The following RPS6KA2 variants were observed in gnomAD, a reference collection of about 807,000 sequenced individuals.
RPS6KA2 encodes ribosomal protein S6 kinase A2.
In RPS6KA2, 42 loss-of-function variants were observed where a neutral mutation model predicts 91.8. The ratio of observed to expected loss-of-function variants is 0.46; its 90% CI spans 0.36 to 0.59. The LOEUF (loss-of-function observed/expected upper bound fraction) is 0.59, where lower values mean the gene tolerates loss of function less well. RPS6KA2 is among the 20% of genes least tolerant of loss of function. The pLI, the probability that RPS6KA2 is intolerant of heterozygous loss-of-function variation, is 0.00. For synonymous variants in RPS6KA2, 414 were observed against 393.6 expected, an observed-to-expected ratio of 1.05 and a Z score of -0.61; for missense variants, 798 against 978.5, an observed-to-expected ratio of 0.82 and a Z score of 2.46.
chr6:166,774,498 T>G (rs1778562303), intron 2 of RPS6KA2, among the ~76,000 whole-genome samples: 1 of 152,152 alleles, frequency 6.6e-6, no homozygotes, highest in South Asian at 2.1e-4. Flanking sequence ...TCCCTGCTGC[T>G]GCTGCACCCA....
At chr6:166,697,915 G>A (rs1181649013) in intron 2 of RPS6KA2, among the ~76,000 whole-genome samples, 2 of 152,192 alleles carry the variant, frequency 1.3e-5, no homozygotes, top group African/African-American at 2.4e-5. Context: ...GCACGGGGAG[G>A]ACTCGGCGGC....
intron 11 of RPS6KA2, among the ~76,000 whole-genome samples, chr6:166,468,792 A>G (rs1780635905): frequency 6.8e-6 from 1 of 147,410 alleles, no homozygotes; most frequent in African/African-American, 2.6e-5. Flanking sequence ...TGAATCTGGC[A>G]GGTGGAGCTT....
chr6:166,580,324 C>A (rs534017510), intron 1 of RPS6KA2, among the ~76,000 whole-genome samples: 1 of 152,236 alleles, frequency 6.6e-6, no homozygotes, highest in Admixed American at 6.5e-5. Context: ...TGCCAACACA[C>A]CCTGACTTCA....
intron 2 of RPS6KA2, among the ~76,000 whole-genome samples, chr6:166,682,470 A>G (rs1213274005): frequency 6.6e-6 from 1 of 152,172 alleles, no homozygotes; most frequent in African/African-American, 2.4e-5. Context: ...GGGGAAGCAT[A>G]GAGAGGGTGA....
intron 8 of RPS6KA2, among the ~76,000 whole-genome samples, chr6:166,492,920 C>T (rs1159696912): frequency 1.4e-5 from 2 of 139,892 alleles, no homozygotes; most frequent in Non-Finnish European, 3.0e-5. Context: ...TTAGTAGAGA[C>T]AGGGTTTCAC....
At chr6:166,512,106 A>AAC (rs937964999) in intron 3 of RPS6KA2, among the ~76,000 whole-genome samples, 37 of 151,050 alleles carry the variant, frequency 2.4e-4, no homozygotes, top group Admixed American at 4.6e-4. Context: ...CACATACACA[A>AAC]ACACACACAC....
rs909844011 is a variant in RPS6KA2, at chr6:166,533,464, G to A, written c.217-2151C>T. On this transcript the variant is annotated intron_variant, in intron 2 of 20. Coordinates refer to ENST00000265678, the MANE Select transcript of RPS6KA2 (RefSeq NM_021135.6). This position sits in a 1 kb window ranked among gnomAD's most constrained non-coding sequence, Gnocchi z 4.0. ...GGGGTGTGGAACAAGGGACAGTTGT[G>A]TTTGTGGCAGGGACGCCACATTTCC... Among the ~76,000 whole-genome samples, 2 of 152,268 alleles carry A rather than the reference G, an allele frequency of 1.3e-5. No homozygotes were observed. Among genetic ancestry groups the A allele is most frequent in the East Asian group, 3.9e-4 (2 of 5,194 alleles).
chr6:166,517,450 GTTTTGTTTTTTTTTTT>G (rs1161171233), intron 3 of RPS6KA2, among the ~76,000 whole-genome samples: 6 of 83,792 alleles, frequency 7.2e-5, no homozygotes, highest in African/African-American at 4.0e-4. Context: ...GCGTTCTTTT[GTTTTGTTTTTTTTTTT>G]TTTTTTTTTT....
chr6:166,580,726 T>C (rs1784981970), intron 1 of RPS6KA2, among the ~76,000 whole-genome samples: 1 of 148,658 alleles, frequency 6.7e-6, no homozygotes, highest in Non-Finnish European at 1.5e-5. Flanking sequence ...GAAGTCCCAA[T>C]GAGCCCAGTG....
In RPS6KA2 at chr6:166,414,101, A is replaced by G. The variant is rs79208638; in HGVS notation, c.1939-170T>C. ...CACTTTCAGGTTTAGAAGTATGTCAATGGTTTTTAGCTTTAAATATTACCA... is the reference window on the plus strand; with the variant it reads ...CACTTTCAGGTTTAGAAGTATGTCAGTGGTTTTTAGCTTTAAATATTACCA... On this transcript the variant is annotated intron_variant, in intron 19 of 20. Coordinates refer to ENST00000265678, the MANE Select transcript of RPS6KA2 (RefSeq NM_021135.6). 7.0e-4 allele frequency among the ~76,000 whole-genome samples: 107 copies of G among 152,332 alleles called. 5 individuals carry two copies. In the East Asian group the frequency reaches 0.017, roughly 24 times the overall value.
intron 2 of RPS6KA2, among the ~76,000 whole-genome samples, chr6:166,676,496 C>A (rs1788624737): frequency 6.6e-6 from 1 of 152,150 alleles, no homozygotes; most frequent in Non-Finnish European, 1.5e-5. Flanking sequence ...AGCGGCTCGG[C>A]TCCCTATTAC....
At chr6:166,535,978 C>G (rs878935599) in intron 2 of RPS6KA2, among the ~76,000 whole-genome samples, 1 of 152,224 alleles carries the variant, frequency 6.6e-6, no homozygotes, top group Admixed American at 6.5e-5. Flanking sequence ...CTTCGGAGAG[C>G]CTAAGCGGCT....
Position 166,701,552 on chromosome 6 carries a change from G to A in RPS6KA2, c.123+156648C>T, listed in dbSNP as rs1010735033. 10 of 1,449,558 alleles carry A rather than the reference G, an allele frequency of 6.9e-6. No individual in the cohort carries two copies. In the African/African-American group the frequency reaches 1.3e-4, roughly 18 times the overall value. 89.8% of individuals were successfully genotyped at this position (1,449,558 alleles called of 1,614,324 possible). Reference sequence around the variant, plus strand: ...GCAAAGCGAGAAAGCTGCTTGATGTGCTGGCCCTGCTTGCTGATGAGGGCT... The same window carrying A: ...GCAAAGCGAGAAAGCTGCTTGATGTACTGGCCCTGCTTGCTGATGAGGGCT... On this transcript the variant is annotated intron_variant, in intron 2 of 21. Transcript: ENST00000503859.
At position 166,762,522 on chromosome 6, in the gene RPS6KA2, G is replaced by A. The variant is rs117686366; in HGVS notation, c.123+95678C>T. 7.7e-4 allele frequency among the ~76,000 whole-genome samples: 117 copies of A among 152,256 alleles called. 1 individual carries two copies. In the South Asian group the frequency reaches 0.017, roughly 23 times the overall value. On this transcript the variant is annotated intron_variant, in intron 2 of 21. Transcript: ENST00000503859. ...TTAAGTGAAAGTATCTTGGGAAACT[G>A]GCCTCATTTTCCCTTACGCAGCTGA...
chr6:166,827,791 T>G (rs1780086192), intron 2 of RPS6KA2, among the ~76,000 whole-genome samples: 1 of 152,218 alleles, frequency 6.6e-6, no homozygotes, highest in Admixed American at 6.5e-5. Context: ...AATATAACAA[T>G]TTCAACACAA....
intron 2 of RPS6KA2, among the ~76,000 whole-genome samples, chr6:166,715,585 C>G (rs183008638): frequency 6.6e-6 from 1 of 152,212 alleles, no homozygotes; most frequent in East Asian, 1.9e-4. Context: ...CTGAGAAAGG[C>G]GTCATTAGGT....
intron 2 of RPS6KA2, chr6:166,702,978 C>G (rs1789571022): frequency 1.9e-6 from 1 of 538,136 alleles, no homozygotes; most frequent in Non-Finnish European, 3.3e-6. Context: ...GAACCAAGCA[C>G]AAGAACGAGG....
At chr6:166,807,215 TA>T (rs1423216840) in intron 2 of RPS6KA2, among the ~76,000 whole-genome samples, 1 of 152,152 alleles carries the variant, frequency 6.6e-6, no homozygotes, top group Non-Finnish European at 1.5e-5. Context: ...GGAGAATGGA[TA>T]AAAAAGACAT....
At chr6:166,466,258 ATT>A (rs892702891) in intron 11 of RPS6KA2, among the ~76,000 whole-genome samples, 3 of 152,180 alleles carry the variant, frequency 2.0e-5, no homozygotes, top group African/African-American at 7.2e-5. Context: ...GAAGGCTCTT[ATT>A]GCCACAGGAA....
Sources: allele counts gnomAD v4.1 joint callset (sites outside exome capture counted in the v4.1 genomes callset), GRCh38; gene constraint gnomAD v4.1.1; non-coding constraint Gnocchi (gnomAD v3.1); transcripts MANE v1.5; gene names NCBI Gene and HGNC (gene_info 2026-07-23, HGNC 2026-07-21).